Variants in CHAF1A observed in about 807,000 individuals in gnomAD.
CHAF1A encodes the protein chromatin assembly factor 1 subunit A, also known as CAF-1 subunit A.
Under a neutral mutation model 93.2 loss-of-function variants are expected in CHAF1A, and 5 were observed. The observed-to-expected ratio is 0.05, with a 90% CI of 0.03 to 0.11. CHAF1A has a LOEUF of 0.11. CHAF1A is among the 10% of genes least tolerant of loss of function. The pLI, the probability that CHAF1A is intolerant of heterozygous loss-of-function variation, is 1.00. For missense variants in CHAF1A, 1,102 were observed against 1,259.9 expected (o/e 0.87, Z 1.90); for synonymous variants, 504 against 510.3 (o/e 0.99, Z 0.17).
chr19:4,407,230 T>TC (rs1454239843), intron 2 of CHAF1A, among the ~76,000 whole-genome samples: 1 of 132,948 alleles, frequency 7.5e-6, no homozygotes, highest in African/African-American at 2.8e-5. Context: ...AACAAACAAC[T>TC]CCCCCCACAC....
At chr19:4,408,309 C>T (rs1426318979) in intron 2 of CHAF1A, among the ~76,000 whole-genome samples, 1 of 151,278 alleles carries the variant, frequency 6.6e-6, no homozygotes, top group East Asian at 2.0e-4. Context: ...TCTCCTGCCT[C>T]AGTCTCCCGA....
downstream of CHAF1A, chr19:4,446,029 T>C (rs757115612): frequency 6.3e-7 from 1 of 1,598,718 alleles, no homozygotes; most frequent in Non-Finnish European, 8.5e-7. Flanking sequence ...TCAGCGGTGC[T>C]CCTGCGGGCC....
intron 1 of CHAF1A, among the ~76,000 whole-genome samples, chr19:4,404,040 C>T (rs572731464): frequency 2.6e-5 from 4 of 151,940 alleles, no homozygotes; most frequent in East Asian, 3.9e-4. Flanking sequence ...AGGCTGGTCT[C>T]GAACTTCTGA....
intron 6 of CHAF1A, 125 bp downstream of exon 6, chr19:4,423,520 A>G: frequency 1.3e-6 from 2 of 1,499,816 alleles, no homozygotes; most frequent in Non-Finnish European, 1.8e-6. Flanking sequence ...TGGCGCCCGC[A>G]GGGAGGGCGA....
At chr19:4,411,092 T>C (rs1973789024) in intron 3 of CHAF1A, among the ~76,000 whole-genome samples, 1 of 152,192 alleles carries the variant, frequency 6.6e-6, no homozygotes, top group African/African-American at 2.4e-5. Context: ...TTTTGTTTGT[T>C]CATGTTGGGT....
At chr19:4,408,733 C>T in intron 2 of CHAF1A, 170 bp from the exon 3 acceptor site, 1 of 775,022 alleles carries the variant, frequency 1.3e-6, no homozygotes. Flanking sequence ...TCGGCCTCCC[C>T]AAAGTGCTGG....
In CHAF1A at chr19:4,418,517, G is replaced by A. The variant is rs190911023; in HGVS notation, c.1017+441G>A. Among the ~76,000 whole-genome samples the A allele has an allele frequency of 4.0e-4, 59 of 147,438 alleles. 1 individual carries two copies. The East Asian group carries it at 0.011, about 27-fold the overall frequency. The stretch of plus-strand genomic sequence containing the variant: ...TGCAAGCTCCACCTCCCAGGTTCAC[G>A]CCATTCTCCTGGCTCAGCCTCCCCA... On this transcript the variant is annotated intron_variant, in intron 4 of 14. Transcript: ENST00000301280.
chr19:4,421,457 TGGAA>T (rs1432363909), intron 4 of CHAF1A, among the ~76,000 whole-genome samples: 1 of 152,186 alleles, frequency 6.6e-6, no homozygotes, highest in African/African-American at 2.4e-5. Context: ...TTTCTCATGA[TGGAA>T]GGAAGCATAA....
At chr19:4,425,974 G>T (rs1324850196) in intron 7 of CHAF1A, among the ~76,000 whole-genome samples, 1 of 152,066 alleles carries the variant, frequency 6.6e-6, no homozygotes, top group Non-Finnish European at 1.5e-5. Context: ...GACTCTTGGT[G>T]CAGTTGAGCA....
intron 2 of CHAF1A, among the ~76,000 whole-genome samples, chr19:4,408,319 A>G (rs1973720525): frequency 6.6e-6 from 1 of 151,110 alleles, no homozygotes; most frequent in South Asian, 2.1e-4. Context: ...CAGTCTCCCG[A>G]GTAGCTGGGA....
At chr19:4,446,638 A>G, downstream of CHAF1A, 1 of 1,612,614 alleles carries the variant, frequency 6.2e-7, no homozygotes, top group Non-Finnish European at 8.5e-7. Flanking sequence ...CTCCGCAGCC[A>G]GCAGCTGTTC....
rs1347654185 is a variant in CHAF1A, at chr19:4,408,987, G to A, written c.188G>A (p.Ser63Asn). The A allele has an allele frequency of 1.9e-6, 3 of 1,614,168 alleles. No homozygotes were observed. The highest frequency in any genetic ancestry group is 3.3e-5 in the Admixed American group (2 of 60,020). The change falls in exon 3 of 15, where the codon AGT becomes AAT. Residue 63 changes from serine (S) to asparagine (N), a missense_variant. Transcript: ENST00000301280. The stretch of plus-strand genomic sequence containing the variant: ...GACGATCAGGGTACTTCTGTGCAAA[G>A]TAAAAGCCCCGATTTAGAGGCCTCT... ...MSDDQGTSVQSKSPDLEASLD... is the reference protein window; with the variant it reads ...MSDDQGTSVQNKSPDLEASLD...
intron 13 of CHAF1A, among the ~76,000 whole-genome samples, chr19:4,440,020 C>T (rs1044929155): frequency 7.2e-5 from 11 of 152,182 alleles, no homozygotes; most frequent in African/African-American, 1.4e-4. Context: ...GATGAGGCTA[C>T]GGTAGGAACC....
chr19:4,435,597 TG>T (rs1221303020), intron 13 of CHAF1A, among the ~76,000 whole-genome samples: 2 of 152,096 alleles, frequency 1.3e-5, no homozygotes, highest in African/African-American at 4.8e-5. Flanking sequence ...CCCCAACTCC[TG>T]GGCTTAAGCA....
At chr19:4,416,807 C>T (rs1316604720) in intron 3 of CHAF1A, among the ~76,000 whole-genome samples, 1 of 152,112 alleles carries the variant, frequency 6.6e-6, no homozygotes, top group African/African-American at 2.4e-5. Context: ...AGGAGAATCG[C>T]TTGAACTTGG....
intron 13 of CHAF1A, among the ~76,000 whole-genome samples, chr19:4,437,456 C>T (rs906353190): frequency 2.0e-5 from 3 of 152,128 alleles, no homozygotes; most frequent in African/African-American, 7.2e-5. Flanking sequence ...GCAAGTGATC[C>T]TCCTGCCTCA....
downstream of CHAF1A, chr19:4,447,628 G>C (rs756273898): frequency 1.9e-6 from 3 of 1,613,876 alleles, no homozygotes; most frequent in South Asian, 2.2e-5. Flanking sequence ...CCAGGTACCT[G>C]GGGTAGGTGG....
Position 4,443,260 on chromosome 19 carries a change from G to T in CHAF1A, c.*235G>T. The T allele has an allele frequency of 2.0e-6, 1 of 508,846 alleles. No individual in the cohort carries two copies. The highest frequency in any genetic ancestry group is 2.1e-5 in the South Asian group (1 of 47,742). The allele number at this position is 508,846 out of a possible 1,614,324, so 31.5% of individuals were successfully genotyped here. On this transcript the variant is annotated 3_prime_UTR_variant, in exon 15 of 15. Transcript: ENST00000301280. The stretch of plus-strand genomic sequence containing the variant: ...CATTATTGAGATTGCTGGCCTATTG[G>T]GGAAGCCTGCGGGCACAGGAGCAGG...
At chr19:4,415,161 G>A (rs1225070104) in intron 3 of CHAF1A, among the ~76,000 whole-genome samples, 1 of 152,140 alleles carries the variant, frequency 6.6e-6, no homozygotes, top group Non-Finnish European at 1.5e-5. Flanking sequence ...GAATGTGGGA[G>A]TGTTGCATAG....
Sources: allele counts gnomAD v4.1 joint callset (sites outside exome capture counted in the v4.1 genomes callset), GRCh38; gene constraint gnomAD v4.1.1; transcripts MANE v1.5; gene names NCBI Gene and HGNC (gene_info 2026-07-23, HGNC 2026-07-21).